SMPD3: variants seen among roughly 807,000 people sequenced by gnomAD.
SMPD3 encodes the protein nSMase-2.
A neutral mutation model predicts 55.7 loss-of-function variants in SMPD3; 21 were observed. That is an observed-to-expected ratio of 0.38 (90% CI 0.27 to 0.54). The LOEUF (loss-of-function observed/expected upper bound fraction) is 0.54, where lower values mean the gene tolerates loss of function less well. SMPD3 is among the 20% of genes least tolerant of loss of function. The pLI, the probability that SMPD3 is intolerant of heterozygous loss-of-function variation, is 0.80. For missense variants in SMPD3, 842 were observed against 899.6 expected (o/e 0.94, Z 0.82); for synonymous variants, 457 against 404.3 (o/e 1.13, Z -1.56).
Position 68,376,581 on chromosome 16 carries a change from C to T in SMPD3, c.-206-4194G>A, listed in dbSNP as rs771788406. On this transcript the variant is annotated intron_variant, in intron 2 of 8. Transcript: ENST00000219334. ...CCACAGTTATCCATGGATTTGTCCC[C>T]TTTGCGAATCCTGGTATGTAGCTTC... Among the ~76,000 whole-genome samples the T allele has an allele frequency of 3.2e-4, 49 of 152,218 alleles. 1 individual carries two copies. Among genetic ancestry groups the T allele is most frequent in the Non-Finnish European group, 6.6e-4 (45 of 68,034 alleles).
intron 1 of SMPD3, among the ~76,000 whole-genome samples, chr16:68,403,461 T>A (rs2090228213): frequency 6.6e-6 from 1 of 152,226 alleles, no homozygotes; most frequent in African/African-American, 2.4e-5. Flanking sequence ...CCTTCATTCA[T>A]GCCTGAAAAC....
chr16:68,377,189 T>G (rs2089837483), intron 2 of SMPD3, among the ~76,000 whole-genome samples: 1 of 152,200 alleles, frequency 6.6e-6, no homozygotes, highest in Non-Finnish European at 1.5e-5. Flanking sequence ...CACTAGCTTG[T>G]GGCTGTTCCC....
At chr16:68,376,045 G>A (rs1051374861) in intron 2 of SMPD3, among the ~76,000 whole-genome samples, 2 of 152,218 alleles carry the variant, frequency 1.3e-5, no homozygotes, top group Non-Finnish European at 2.9e-5. Flanking sequence ...TGCCACCCAT[G>A]GAGAAACCAT....
chr16:68,374,393 C>A (rs2089755241), intron 2 of SMPD3, among the ~76,000 whole-genome samples: 1 of 152,222 alleles, frequency 6.6e-6, no homozygotes, highest in Non-Finnish European at 1.5e-5. Flanking sequence ...AGGGGAAATG[C>A]CTTTGAAGCC....
intron 1 of SMPD3, among the ~76,000 whole-genome samples, chr16:68,416,298 T>C (rs1000103101): frequency 6.6e-6 from 1 of 152,174 alleles, no homozygotes; most frequent in Non-Finnish European, 1.5e-5. Context: ...GGCCTCGCCC[T>C]CTTCCCTGGT....
chr16:68,371,963 G>C lies in SMPD3; in HGVS notation c.219C>G (p.Ala73=). ...FTPIYLALLV[A]SLPFAFLGFL... ...AGCCGAGAAACGCAAAGGGCAGCGA[G>C]GCCACCAGGAGGGCCAGGTAGATGG... is the stretch of plus-strand genomic sequence containing the variant. The change falls in exon 3 of 9, where the codon GCC becomes GCG. Residue 73 remains alanine (A), a synonymous_variant. Transcript: ENST00000219334. 3 of 1,612,396 alleles carry C rather than the reference G, an allele frequency of 1.9e-6. No individual in the cohort carries two copies. The highest frequency in any genetic ancestry group is 2.5e-6 in the Non-Finnish European group (3 of 1,179,658).
intron 1 of SMPD3, among the ~76,000 whole-genome samples, chr16:68,398,472 C>A (rs1471768951): frequency 1.3e-5 from 2 of 152,130 alleles, no homozygotes. Flanking sequence ...AGGATCCTGG[C>A]CTGAGGTGGC....
rs1216300985 is a variant in SMPD3 at position 68,447,160 on chromosome 16, G to C, written c.-269+1193C>G. On this transcript the variant is annotated intron_variant, in intron 1 of 8. Transcript: ENST00000219334. This position sits in a 1 kb window ranked among gnomAD's most constrained non-coding sequence, Gnocchi z 5.1. ...GCGGCGACCGCCGCTTTGTCCTCTCGAGGATGCCTGGGCCGAGCGCGAAAG... is the reference window on the plus strand; with the variant it reads ...GCGGCGACCGCCGCTTTGTCCTCTCCAGGATGCCTGGGCCGAGCGCGAAAG... Among the ~76,000 whole-genome samples, 1 of 152,098 alleles carries C rather than the reference G, an allele frequency of 6.6e-6. No individual in the cohort carries two copies. Among genetic ancestry groups the C allele is most frequent in the East Asian group, 1.9e-4 (1 of 5,164 alleles).
chr16:68,390,404 G>A (rs1019597422), intron 1 of SMPD3, among the ~76,000 whole-genome samples: 1 of 152,224 alleles, frequency 6.6e-6, no homozygotes, highest in Non-Finnish European at 1.5e-5. Flanking sequence ...GCTGACGCCT[G>A]TAATCCCAGC....
chr16:68,416,266 C>A (rs552440729), intron 1 of SMPD3, among the ~76,000 whole-genome samples: 1 of 152,296 alleles, frequency 6.6e-6, no homozygotes, highest in Non-Finnish European at 1.5e-5. Context: ...TAGCTCAGAG[C>A]CCGACCCTTT....
chr16:68,371,550 T>A lies in SMPD3; in HGVS notation c.632A>T (p.Glu211Val). 6.3e-7 allele frequency: 1 copy of A among 1,599,590 alleles called. No homozygotes were observed. Among genetic ancestry groups the A allele is most frequent in the Non-Finnish European group, 8.5e-7 (1 of 1,177,178 alleles). The stretch of plus-strand genomic sequence containing the variant: ...GTGCCGCCCACCGTCACCCTTGTAC[T>A]CCACAGAGGCTGTCCTCTTAATGCT... ...PGSIKRTASVEYKGDGGRHPG... is the reference protein window; with the variant it reads ...PGSIKRTASVVYKGDGGRHPG... Residue 211 changes from glutamate (E) to valine (V), a missense_variant, in exon 3 of 9, where the codon GAG becomes GTG. By Grantham distance (121) the Glu-to-Val change is moderately radical. This residue lies in a region of SMPD3 where 649 missense variants were observed against 643.6 expected (regional missense o/e 1.01). Coordinates refer to ENST00000219334, the MANE Select transcript of SMPD3 (RefSeq NM_018667.4).
intron 8 of SMPD3, 74 bp from the exon 9 acceptor site, chr16:68,361,381 TCC>T: frequency 6.7e-7 from 1 of 1,495,608 alleles, no homozygotes; most frequent in Non-Finnish European, 9.1e-7. Context: ...GGCCTGGGGA[TCC>T]CCAAAGTGAG....
chr16:68,408,522 C>A (rs1161807703), intron 1 of SMPD3, among the ~76,000 whole-genome samples: 1 of 152,168 alleles, frequency 6.6e-6, no homozygotes, highest in Non-Finnish European at 1.5e-5. Context: ...AAAGCCTGGG[C>A]AATGCTGACA....
intron 1 of SMPD3, among the ~76,000 whole-genome samples, chr16:68,406,165 A>G (rs1382675627): frequency 1.3e-5 from 2 of 152,196 alleles, no homozygotes; most frequent in Non-Finnish European, 2.9e-5. Flanking sequence ...AGAAACAATG[A>G]GGCGTAAACC....
Position 68,371,266 on chromosome 16 carries a change from G to C in SMPD3, c.916C>G (p.Arg306Gly). Residue 306 changes from arginine to glycine, a missense_variant, in exon 3 of 9, where the codon CGA becomes GGA. Arg to Gly is a moderately radical substitution (Grantham distance 125). Transcript: ENST00000219334. ...CTGGCACTGGTGTCTGGCCCAGCTC[G>C]CCCCTTCACCAGGGACTCCCGGGAG... ...SASRESLVKG[R>G]AGPDTSASGE... 3 of 1,605,924 alleles carry C rather than the reference G, an allele frequency of 1.9e-6. No individual in the cohort carries two copies. Among genetic ancestry groups the C allele is most frequent in the Non-Finnish European group, 8.5e-7 (1 of 1,178,506 alleles).
chr16:68,387,440 C>T (rs1326743068), intron 1 of SMPD3, among the ~76,000 whole-genome samples: 1 of 152,102 alleles, frequency 6.6e-6, no homozygotes. Flanking sequence ...CACACTTGGG[C>T]CCCAGTCCCA....
At chr16:68,445,298 A>C (rs1032120191) in intron 1 of SMPD3, among the ~76,000 whole-genome samples, 1 of 152,196 alleles carries the variant, frequency 6.6e-6, no homozygotes, top group Non-Finnish European at 1.5e-5. Context: ...AGGTAGAGGT[A>C]GAGACAGGAG....
At chr16:68,430,858 C>T (rs1047002964) in intron 1 of SMPD3, among the ~76,000 whole-genome samples, 4 of 152,088 alleles carry the variant, frequency 2.6e-5, no homozygotes, top group African/African-American at 7.2e-5. Flanking sequence ...TTTGAGTCTT[C>T]GAGAGCATCA....
intron 1 of SMPD3, among the ~76,000 whole-genome samples, chr16:68,427,525 C>T (rs1337282749): frequency 6.6e-6 from 1 of 152,326 alleles, no homozygotes; most frequent in African/African-American, 2.4e-5. Context: ...CCTGTAGCCA[C>T]ACATGGTTAT....
Sources: gnomAD v4.1 joint callset for allele counts (sites outside exome capture counted in the v4.1 genomes callset) on GRCh38, gnomAD v4.1.1 for gene constraint, gnomAD v4.1.1 regional missense constraint, Gnocchi (gnomAD v3.1) non-coding constraint, MANE v1.5 for transcripts, NCBI Gene and HGNC (gene_info 2026-07-23, HGNC 2026-07-21) for gene names.